Variants in OR51B5 observed in about 807,000 individuals in gnomAD.
OR51B5 encodes the protein olfactory receptor family 51 subfamily B member 5.
For missense variants in OR51B5, 456 were observed against 374.6 expected (o/e 1.22, Z -1.79); for synonymous variants, 186 against 144.8 (o/e 1.28, Z -2.04).
intron 1 of OR51B5, among the ~76,000 whole-genome samples, chr11:5,396,219 G>A (rs932326299): frequency 2.7e-5 from 4 of 148,512 alleles, no homozygotes; most frequent in East Asian, 3.8e-4. Context: ...GTTCTGGCCC[G>A]GGCAATCGGG....
chr11:5,454,354 C>T (rs1850917643), intron 1 of OR51B5: 1 of 1,613,992 alleles, frequency 6.2e-7, no homozygotes, highest in Non-Finnish European at 8.5e-7. Context: ...GTGCTCAACC[C>T]TCTCATTTAT....
chr11:5,395,586 G>A (rs1227686444), intron 1 of OR51B5, among the ~76,000 whole-genome samples: 1 of 152,108 alleles, frequency 6.6e-6, no homozygotes, highest in Non-Finnish European at 1.5e-5. Flanking sequence ...TGGCAGGCAA[G>A]GAAACATAAT....
intron 1 of OR51B5, chr11:5,390,352 C>T (rs1284963836): frequency 6.2e-7 from 1 of 1,605,536 alleles, no homozygotes; most frequent in Non-Finnish European, 8.5e-7. Flanking sequence ...TTATCAAGTT[C>T]CTAGGTCTTA....
At chr11:5,489,497 C>G in intron 1 of OR51B5, 2 of 1,614,056 alleles carry the variant, frequency 1.2e-6, no homozygotes, top group South Asian at 2.2e-5. Flanking sequence ...TCCTTCCTCA[C>G]CCACCGCTTT....
chr11:5,502,108 G>T (rs1283404157), intron 1 of OR51B5, among the ~76,000 whole-genome samples: 1 of 152,030 alleles, frequency 6.6e-6, no homozygotes, highest in Admixed American at 6.5e-5. Context: ...TCATACACAC[G>T]TCAGGAACCC....
chr11:5,412,604 C>A (rs1056190076), intron 1 of OR51B5, among the ~76,000 whole-genome samples: 15 of 152,206 alleles, frequency 9.9e-5, no homozygotes, highest in African/African-American at 3.1e-4. Context: ...TGCGCTTTTC[C>A]AACGGGCTTA....
intron 1 of OR51B5, among the ~76,000 whole-genome samples, chr11:5,354,155 A>G (rs1849149792): frequency 6.7e-6 from 1 of 149,860 alleles, no homozygotes; most frequent in African/African-American, 2.4e-5. Context: ...TGTGTCTGCT[A>G]GTTCTTCTGT....
At chr11:5,341,455 C>A (rs1402819921), downstream of OR51B5, 1 of 152,160 alleles carries the variant, frequency 6.6e-6, no homozygotes, top group Non-Finnish European at 1.5e-5. Flanking sequence ...AAGACATAAA[C>A]AATATCTTCT....
chr11:5,340,900 T>C (rs1388984419), downstream of OR51B5: 1 of 152,150 alleles, frequency 6.6e-6, no homozygotes, highest in African/African-American at 2.4e-5. Context: ...AAGGGACACA[T>C]GTTTGGTTTT....
intron 1 of OR51B5, among the ~76,000 whole-genome samples, chr11:5,421,142 C>A (rs1397138626): frequency 6.6e-5 from 10 of 152,354 alleles, no homozygotes; most frequent in African/African-American, 2.4e-4. Context: ...CCAGGGGCAG[C>A]AAAGGCTGTC....
intron 1 of OR51B5, among the ~76,000 whole-genome samples, chr11:5,357,642 T>A (rs1043048593): frequency 1.7e-4 from 25 of 151,344 alleles, no homozygotes; most frequent in Non-Finnish European, 3.5e-4. Context: ...CAAGCGGACC[T>A]AATAGACATC....
intron 1 of OR51B5, among the ~76,000 whole-genome samples, chr11:5,377,205 A>G (rs1388370157): frequency 6.6e-6 from 1 of 152,172 alleles, no homozygotes; most frequent in African/African-American, 2.4e-5. Flanking sequence ...ACCAAAGACA[A>G]AAACCACATG....
chr11:5,358,040 G>T (rs1849221644), intron 1 of OR51B5, among the ~76,000 whole-genome samples: 1 of 151,708 alleles, frequency 6.6e-6, no homozygotes, highest in South Asian at 2.1e-4. Flanking sequence ...GAGAAAGCAG[G>T]AAAGATCTAA....
intron 1 of OR51B5, among the ~76,000 whole-genome samples, chr11:5,495,175 G>A (rs1053340728): frequency 6.6e-6 from 1 of 152,114 alleles, no homozygotes; most frequent in Admixed American, 6.6e-5. Context: ...CACTGAACGA[G>A]TTCATCACCA....
At chr11:5,387,647 T>C (rs1237217626) in intron 1 of OR51B5, among the ~76,000 whole-genome samples, 1 of 152,186 alleles carries the variant, frequency 6.6e-6, no homozygotes, top group Non-Finnish European at 1.5e-5. Context: ...CTCCATTGAA[T>C]ATACATTGGC....
chr11:5,389,711 T>C (rs2133728231), intron 1 of OR51B5: 2 of 1,613,914 alleles, frequency 1.2e-6, no homozygotes, highest in East Asian at 2.2e-5. Flanking sequence ...CCATAGTATC[T>C]ACTTTGGAGC....
intron 1 of OR51B5, among the ~76,000 whole-genome samples, chr11:5,369,143 G>A (rs1475067602): frequency 6.6e-6 from 1 of 152,084 alleles, no homozygotes; most frequent in African/African-American, 2.4e-5. Context: ...CATACAGAAA[G>A]GATGAAGTCT....
At chr11:5,410,849 C>T (rs3929403) in intron 1 of OR51B5, among the ~76,000 whole-genome samples, 123,552 of 151,936 alleles carry the variant, frequency 0.81, 51,272 homozygotes, top group Non-Finnish European at 0.89. Flanking sequence ...AAAGTAAAAA[C>T]AAATACATAA....
intron 1 of OR51B5, among the ~76,000 whole-genome samples, chr11:5,379,865 C>G (rs1216311721): frequency 6.6e-6 from 1 of 152,212 alleles, no homozygotes; most frequent in South Asian, 2.1e-4. Flanking sequence ...CATGTGATCT[C>G]CTTGCATGCA....
Sources: gnomAD v4.1 joint callset for allele counts (sites outside exome capture counted in the v4.1 genomes callset) on GRCh38, gnomAD v4.1.1 for gene constraint, MANE v1.5 for transcripts, NCBI Gene and HGNC (gene_info 2026-07-23, HGNC 2026-07-21) for gene names.